The following KANK1 variants were observed in gnomAD, a reference collection of about 807,000 sequenced individuals.
The protein encoded by KANK1 is KN motif and ankyrin repeat domain-containing protein 1.
KANK1 carries 109 observed loss-of-function variants against 106.2 expected under a neutral mutation model. That is an observed-to-expected ratio of 1.03 (90% CI 0.88 to 1.20). The LOEUF (loss-of-function observed/expected upper bound fraction) is 1.20. Ranked by LOEUF, KANK1 falls within the 50% of genes most tolerant of loss-of-function variation. The pLI is 0.00. For missense variants in KANK1, 2,399 were observed against 1,710.7 expected (o/e 1.40, Z -7.10); for synonymous variants, 873 against 652.2 (o/e 1.34, Z -5.16).
At chr9:603,478 T>A (rs1388585569) in intron 1 of KANK1, among the ~76,000 whole-genome samples, 1 of 151,846 alleles carries the variant, frequency 6.6e-6, no homozygotes, top group Non-Finnish European at 1.5e-5. Context: ...GTAAGTCATA[T>A]TCTTGGTGCC....
At chr9:581,556 T>G (rs1822167181) in intron 1 of KANK1, among the ~76,000 whole-genome samples, 1 of 152,316 alleles carries the variant, frequency 6.6e-6, no homozygotes, top group East Asian at 1.9e-4. Flanking sequence ...ATGGGTTAAT[T>G]TGAATTGGGA....
chr9:730,246 A>G lies in KANK1; in HGVS notation c.2894A>G (p.Tyr965Cys), dbSNP rs758962617. Residue 965 changes from tyrosine to cysteine, a missense_variant and splice_region_variant, in exon 4 of 12, where the codon TAT (tyrosine) becomes TGT (cysteine). Coordinates refer to ENST00000382297, the MANE Select transcript of KANK1 (RefSeq NM_015158.5). ...GACGACCAGATCGCCGCTGGCCTCT[A>G]TGGTAACTTTTCTCACTCACAGTCA... is the stretch of plus-strand genomic sequence containing the variant. ...LTDDQIAAGL[Y>C]ACTNNESTLK... 1.1e-5 allele frequency: 18 copies of G among 1,614,048 alleles called. No individual in the cohort carries two copies. The highest frequency in any genetic ancestry group is 4.0e-5 in the African/African-American group (3 of 74,932).
intron 1 of KANK1, among the ~76,000 whole-genome samples, chr9:565,762 A>C (rs898747293): frequency 6.6e-6 from 1 of 152,232 alleles, no homozygotes; most frequent in African/African-American, 2.4e-5. Context: ...GGCCAATCTT[A>C]GGTTCCGCAA....
At chr9:701,395 C>T (rs1469588785) in intron 2 of KANK1, among the ~76,000 whole-genome samples, 4 of 152,194 alleles carry the variant, frequency 2.6e-5, no homozygotes, top group South Asian at 4.1e-4. Context: ...TGAGCCTCCG[C>T]GCCCAATGGA....
intron 1 of KANK1, among the ~76,000 whole-genome samples, chr9:516,019 A>G (rs1340122789): frequency 6.6e-6 from 1 of 151,804 alleles, no homozygotes. Flanking sequence ...GGAATCCAAC[A>G]TGCAGCTGTC....
chr9:542,674 G>A (rs988852231), intron 1 of KANK1, among the ~76,000 whole-genome samples: 1 of 152,160 alleles, frequency 6.6e-6, no homozygotes, highest in Non-Finnish European at 1.5e-5. Flanking sequence ...GTAGATGAAT[G>A]GGTAAAGAAA....
intron 7 of KANK1, among the ~76,000 whole-genome samples, chr9:735,301 G>C (rs1833480290): frequency 6.6e-6 from 1 of 152,110 alleles, no homozygotes; most frequent in Non-Finnish European, 1.5e-5. Flanking sequence ...GTGGAATGCA[G>C]GCGGCCACTA....
Position 677,885 on chromosome 9 carries a change from T to G in KANK1, c.37+876T>G, listed in dbSNP as rs116224894. Among the ~76,000 whole-genome samples, 1,027 of 152,312 alleles carry G rather than the reference T, an allele frequency of 6.7e-3. 19 individuals carry two copies. Among genetic ancestry groups the G allele is most frequent in the African/African-American group, 0.023 (970 of 41,572 alleles). ...AGTTCCAGCACTAACCGTGAAATAT[T>G]GGGCAGGGCTATTTCTCCACATGTA... On this transcript the variant is annotated intron_variant, in intron 2 of 11. Coordinates refer to ENST00000382297, the MANE Select transcript of KANK1 (RefSeq NM_015158.5).
chr9:513,240 G>T (rs2059114307), intron 1 of KANK1, among the ~76,000 whole-genome samples: 1 of 152,206 alleles, frequency 6.6e-6, no homozygotes, highest in African/African-American at 2.4e-5. Flanking sequence ...AATTATGAAT[G>T]CTGGAAGCAA....
intron 1 of KANK1, among the ~76,000 whole-genome samples, chr9:626,211 C>T (rs555244944): frequency 2.0e-5 from 3 of 152,252 alleles, no homozygotes; most frequent in South Asian, 2.1e-4. Context: ...TGCCTGTAAT[C>T]CCAGCACTTT....
At chr9:739,917 C>A (rs989801441) in intron 8 of KANK1, among the ~76,000 whole-genome samples, 3 of 152,102 alleles carry the variant, frequency 2.0e-5, no homozygotes, top group Non-Finnish European at 4.4e-5. Context: ...TTCTCCTCCA[C>A]AGGGCCTTTT....
intron 1 of KANK1, among the ~76,000 whole-genome samples, chr9:657,635 T>C (rs1392458649): frequency 6.6e-6 from 1 of 152,098 alleles, no homozygotes; most frequent in Non-Finnish European, 1.5e-5. Flanking sequence ...GGTTCTGCCT[T>C]TTTAAACTCC....
At chr9:659,160 G>A (rs550008405) in intron 1 of KANK1, among the ~76,000 whole-genome samples, 2 of 152,296 alleles carry the variant, frequency 1.3e-5, no homozygotes, top group East Asian at 3.9e-4. Context: ...ATTACATGCT[G>A]AGTTCTCAGT....
chr9:726,029 TA>T (rs1035174819), intron 3 of KANK1, among the ~76,000 whole-genome samples: 2 of 152,232 alleles, frequency 1.3e-5, no homozygotes, highest in Non-Finnish European at 2.9e-5. Context: ...AAAGCAGTGT[TA>T]AATGGGTTTC....
intron 1 of KANK1, among the ~76,000 whole-genome samples, chr9:652,736 A>G (rs1238024504): frequency 1.3e-5 from 2 of 152,238 alleles, no homozygotes; most frequent in African/African-American, 4.8e-5. Flanking sequence ...TTATAAAACC[A>G]CAAGAAAGAA....
At chr9:624,612 G>A (rs1236264118) in intron 1 of KANK1, among the ~76,000 whole-genome samples, 1 of 152,042 alleles carries the variant, frequency 6.6e-6, no homozygotes, top group Non-Finnish European at 1.5e-5. Context: ...AGACCAGCCT[G>A]GCCAACATAG....
rs1483390488 is a variant in KANK1, at chr9:703,620, A to G, written c.38-7184A>G. Among the ~76,000 whole-genome samples the G allele has an allele frequency of 3.3e-5, 5 of 152,248 alleles. 1 individual carries two copies. The highest frequency in any genetic ancestry group is 1.2e-4 in the African/African-American group (5 of 41,554). On this transcript the variant is annotated intron_variant, in intron 2 of 11. Coordinates refer to ENST00000382297, the MANE Select transcript of KANK1 (RefSeq NM_015158.5). ...TTTCAGTTGCAGATATAGCCAGTGG[A>G]ATTTTGACTGTGCAAAAGCAGGCAT...
intron 1 of KANK1, among the ~76,000 whole-genome samples, chr9:559,538 C>T (rs1476761273): frequency 6.6e-6 from 1 of 152,162 alleles, no homozygotes; most frequent in East Asian, 1.9e-4. Flanking sequence ...CTTGCAGAGG[C>T]AATCTGCTTG....
chr9:623,909 C>T (rs570172456), intron 1 of KANK1, among the ~76,000 whole-genome samples: 1 of 152,028 alleles, frequency 6.6e-6, no homozygotes, highest in Non-Finnish European at 1.5e-5. Flanking sequence ...ATTAGTATGT[C>T]AAAGAGATAT....
Sources: gnomAD v4.1 joint callset for allele counts (sites outside exome capture counted in the v4.1 genomes callset) on GRCh38, gnomAD v4.1.1 for gene constraint, MANE v1.5 for transcripts, NCBI Gene and HGNC (gene_info 2026-07-23, HGNC 2026-07-21) for gene names.